SH3TC1: variants seen among roughly 807,000 people sequenced by gnomAD.
The protein encoded by SH3TC1 is SH3 domain and tetratricopeptide repeats 1, also known as SH3 domain and tetratricopeptide repeat-containing protein 1.
In SH3TC1, 135 loss-of-function variants were observed where a neutral mutation model predicts 117.3. That is an observed-to-expected ratio of 1.15 (90% confidence interval 1.00 to 1.33). SH3TC1 has a LOEUF of 1.33. SH3TC1 is among the 40% of genes most tolerant of loss of function. The pLI, the probability that SH3TC1 is intolerant of heterozygous loss-of-function variation, is 0.00. For missense variants in SH3TC1, 2,092 were observed against 1,794.3 expected, an observed-to-expected ratio of 1.17 and a Z score of -3.00; for synonymous variants, 898 against 816.9, an observed-to-expected ratio of 1.10 and a Z score of -1.69.
At chr4:8,194,173 A>AG (rs1717493983) in intron 1 of SH3TC1, among the ~76,000 whole-genome samples, 2 of 152,116 alleles carry the variant, frequency 1.3e-5, no homozygotes, top group African/African-American at 4.8e-5. Context: ...GATAATTAAA[A>AG]GGGGCGGCGG....
intron 9 of SH3TC1, among the ~76,000 whole-genome samples, chr4:8,220,665 T>G (rs3796761): frequency 1.3e-5 from 2 of 152,216 alleles, no homozygotes; most frequent in East Asian, 3.8e-4. Flanking sequence ...CTGGGTCATG[T>G]GATCCTGGTC....
intron 12 of SH3TC1, among the ~76,000 whole-genome samples, chr4:8,229,884 C>G (rs1720990832): frequency 6.6e-6 from 1 of 150,412 alleles, no homozygotes. Context: ...CTTGGAAACG[C>G]AGGCCAGGGA....
intron 1 of SH3TC1, among the ~76,000 whole-genome samples, chr4:8,202,761 G>T (rs1216916804): frequency 6.6e-6 from 1 of 152,086 alleles, no homozygotes; most frequent in Non-Finnish European, 1.5e-5. Context: ...TTCCCTCCCC[G>T]GCCAGAGCTA....
In SH3TC1 at chr4:8,224,946, G is replaced by A. The variant is rs1578711836; in HGVS notation, c.1244-229G>A. ...ATTGGCTGGTGCCTCTCCCTCAGGT[G>A]TCAGCAGTGCTCCTATGCTGGTTGC... On this transcript the variant is annotated intron_variant, in intron 10 of 17. Transcript: ENST00000245105. 1.8e-5 allele frequency: 10 copies of A among 541,622 alleles called. No individual in the cohort carries two copies. The East Asian group carries it at 3.1e-4, about 17-fold the overall frequency. The allele number at this position is 541,622 out of a possible 1,614,324, so 33.6% of individuals were successfully genotyped here. A position where few individuals can be genotyped will look rare whatever the true frequency, so the allele number is the denominator to read the frequency against.
chr4:8,237,778 G>A (rs544991514), intron 17 of SH3TC1, 108 bp downstream of exon 17: 9 of 1,245,862 alleles, frequency 7.2e-6, no homozygotes, highest in Non-Finnish European at 8.7e-6. Context: ...ATGGCCCAGT[G>A]GCCTCCCTGG....
At chr4:8,236,607 C>G in intron 16 of SH3TC1, 179 bp downstream of exon 16, 1 of 691,534 alleles carries the variant, frequency 1.4e-6, no homozygotes, top group Non-Finnish European at 2.2e-6. Context: ...GTCCTTCACT[C>G]AGTGCAGAGC....
intron 9 of SH3TC1, among the ~76,000 whole-genome samples, chr4:8,221,354 C>T (rs1233734524): frequency 6.6e-6 from 1 of 152,236 alleles, no homozygotes; most frequent in Non-Finnish European, 1.5e-5. Flanking sequence ...TCTGACTTCT[C>T]TCATTCACTC....
chr4:8,212,411 T>G (rs1322051303), intron 3 of SH3TC1, among the ~76,000 whole-genome samples: 1 of 152,072 alleles, frequency 6.6e-6, no homozygotes, highest in Non-Finnish European at 1.5e-5. Context: ...GCGCAGTGGT[T>G]TCTGTGCCGG....
chr4:8,187,646 G>A (rs1247446809), intron 1 of SH3TC1, among the ~76,000 whole-genome samples: 1 of 151,804 alleles, frequency 6.6e-6, no homozygotes, highest in African/African-American at 2.4e-5. Context: ...CCGCCTTCTG[G>A]GTTCAAGCAA....
Position 8,227,557 on chromosome 4 carries a change from A to C in SH3TC1, c.1863A>C (p.Ala621=). 1 of 1,526,162 alleles carries C rather than the reference A, an allele frequency of 6.6e-7. No individual in the cohort carries two copies. The highest frequency in any genetic ancestry group is 8.8e-7 in the Non-Finnish European group (1 of 1,140,218). The allele number at this position is 1,526,162 out of a possible 1,614,324, so 94.5% of individuals were successfully genotyped here. A position where few individuals can be genotyped will look rare whatever the true frequency, so the allele number is the denominator to read the frequency against. The part of the protein sequence containing the change: ...YRKQKNREKC[A]QVVPKAMALL... The stretch of plus-strand genomic sequence containing the variant: ...AGCAGAAGAACCGGGAGAAGTGTGC[A>C]CAGGTGGTGCCCAAAGCCATGGCCC... Residue 621 remains alanine, a synonymous_variant, in exon 12 of 18, where the codon GCA becomes GCC. Coordinates refer to ENST00000245105, the MANE Select transcript of SH3TC1 (RefSeq NM_018986.5).
intron 17 of SH3TC1, among the ~76,000 whole-genome samples, chr4:8,239,915 G>A (rs967189095): frequency 6.6e-6 from 1 of 152,216 alleles, no homozygotes; most frequent in African/African-American, 2.4e-5. Context: ...GATGTGACTC[G>A]GGCCCTTCTC....
intron 1 of SH3TC1, among the ~76,000 whole-genome samples, chr4:8,185,980 C>T (rs1717207310): frequency 1.3e-5 from 2 of 152,198 alleles, no homozygotes; most frequent in Admixed American, 6.5e-5. Context: ...GCCACAGGGT[C>T]CCCTTGGGGT....
chr4:8,204,681 G>C (rs1718054114), intron 1 of SH3TC1: 1 of 152,678 alleles, frequency 6.5e-6, no homozygotes, highest in African/African-American at 2.4e-5. Flanking sequence ...TTTGTCCCCT[G>C]TGCACCTCAG....
At chr4:8,239,832 G>A (rs1722175153) in intron 17 of SH3TC1, among the ~76,000 whole-genome samples, 1 of 152,248 alleles carries the variant, frequency 6.6e-6, no homozygotes, top group Admixed American at 6.5e-5. Context: ...GAGGAGCAGG[G>A]ACGTTAGGCT....
chr4:8,205,959 A>G lies in SH3TC1; in HGVS notation c.172+593A>G, dbSNP rs1009917345. The stretch of plus-strand genomic sequence containing the variant: ...TGCACGGCCCCTCCCGGCAGGAGAC[A>G]GCTGCGGTTGTGACCCGTCCCTGGG... On this transcript the variant is annotated intron_variant, in intron 2 of 17. Coordinates refer to ENST00000245105, the MANE Select transcript of SH3TC1 (RefSeq NM_018986.5). The surrounding 1 kb of genome is among the most constrained non-coding windows in gnomAD (Gnocchi z 5.4). 9.0e-6 allele frequency: 4 copies of G among 442,206 alleles called. No individual in the cohort carries two copies. Among genetic ancestry groups the G allele is most frequent in the Non-Finnish European group, 1.6e-5 (4 of 245,860 alleles). The allele number at this position is 442,206 out of a possible 1,614,324, so 27.4% of individuals were successfully genotyped here.
Position 8,209,627 on chromosome 4 carries a change from C to T in SH3TC1, c.173-121C>T, listed in dbSNP as rs750119640. On this transcript the variant is annotated intron_variant, in intron 2 of 17. Transcript: ENST00000245105. The surrounding 1 kb of genome is among the most constrained non-coding windows in gnomAD (Gnocchi z 5.9). ...TGGAGGAAGGCAGCTGTGGGAAAGG[C>T]GGCTCGTGCGGGACAGAACTCACCT... The T allele has an allele frequency of 4.9e-5, 75 of 1,541,422 alleles. No individual in the cohort carries two copies. The highest frequency in any genetic ancestry group is 2.0e-4 in the South Asian group (17 of 83,946).
intron 15 of SH3TC1, 169 bp from the exon 16 acceptor site, chr4:8,236,109 G>T: frequency 1.2e-6 from 1 of 832,780 alleles, no homozygotes. Context: ...TGACTCTTCA[G>T]CCCCTAGCTT....
At chr4:8,233,105 G>A (rs1237123067) in intron 13 of SH3TC1, 2 of 1,327,832 alleles carry the variant, frequency 1.5e-6, no homozygotes, top group Non-Finnish European at 1.9e-6. Flanking sequence ...TGGGACGCGG[G>A]GGAGATGGAC....
At chr4:8,208,044 T>G (rs1718349028) in intron 2 of SH3TC1, among the ~76,000 whole-genome samples, 2 of 152,212 alleles carry the variant, frequency 1.3e-5, no homozygotes, top group South Asian at 2.1e-4. Flanking sequence ...GTGAAAAGCA[T>G]GCAGTTGATG....
Sources: gnomAD v4.1 joint callset for allele counts (sites outside exome capture counted in the v4.1 genomes callset) on GRCh38, gnomAD v4.1.1 for gene constraint, Gnocchi (gnomAD v3.1) non-coding constraint, MANE v1.5 for transcripts, NCBI Gene and HGNC (gene_info 2026-07-23, HGNC 2026-07-21) for gene names.